LPXN: variants seen among roughly 807,000 people sequenced by gnomAD.
LPXN encodes the protein leupaxin.
In LPXN, 28 loss-of-function variants were observed where a neutral mutation model predicts 45.6. That is an observed-to-expected ratio of 0.61 (90% CI 0.45 to 0.84). The LOEUF (loss-of-function observed/expected upper bound fraction) is 0.84, where lower values mean the gene tolerates loss of function less well. Ranked by LOEUF, LPXN falls within the 40% of genes least tolerant of loss-of-function variation. LPXN has a pLI of 0.00. For synonymous variants in LPXN, 166 were observed against 169.9 expected (o/e 0.98, Z 0.18); for missense variants, 459 against 475.0 (o/e 0.97, Z 0.31).
upstream of LPXN, among the ~76,000 whole-genome samples, chr11:58,578,831 T>A (rs962439265): frequency 6.6e-6 from 1 of 151,506 alleles, no homozygotes; most frequent in East Asian, 2.0e-4. Flanking sequence ...CTAGCGCGCG[T>A]TGAAGTCTGG....
chr11:58,568,164 A>C (rs1304863122), intron 2 of LPXN, among the ~76,000 whole-genome samples: 1 of 152,204 alleles, frequency 6.6e-6, no homozygotes, highest in Non-Finnish European at 1.5e-5. Flanking sequence ...AGATCAGAAG[A>C]GGTACTTGTG....
At chr11:58,548,396 C>T (rs1853937714) in intron 7 of LPXN, among the ~76,000 whole-genome samples, 1 of 150,894 alleles carries the variant, frequency 6.6e-6, no homozygotes, top group African/African-American at 2.4e-5. Flanking sequence ...AGGAAGAAAT[C>T]ATTTCATGTT....
At chr11:58,534,102 T>C (rs1001332030) in intron 7 of LPXN, among the ~76,000 whole-genome samples, 2 of 152,140 alleles carry the variant, frequency 1.3e-5, no homozygotes, top group Non-Finnish European at 2.9e-5. Context: ...ACTGTCAATA[T>C]TAGACAGATC....
intron 1 of LPXN, among the ~76,000 whole-genome samples, chr11:58,572,686 T>C (rs1233540046): frequency 1.3e-5 from 2 of 152,166 alleles, no homozygotes; most frequent in East Asian, 1.9e-4. Context: ...ATATTAAGGC[T>C]GTTGTTATGG....
chr11:58,577,975 T>C, upstream of LPXN: 1 of 1,548,354 alleles, frequency 6.5e-7, no homozygotes, highest in Non-Finnish European at 8.7e-7. Flanking sequence ...GAACCAGATT[T>C]AGTCGCTGAC....
intron 4 of LPXN, among the ~76,000 whole-genome samples, chr11:58,551,716 T>C (rs557698399): frequency 6.6e-6 from 1 of 152,186 alleles, no homozygotes; most frequent in Non-Finnish European, 1.5e-5. Flanking sequence ...AATAAATATA[T>C]GTTGTAATGT....
At chr11:58,556,260 C>A (rs1385119480) in intron 3 of LPXN, among the ~76,000 whole-genome samples, 1 of 151,598 alleles carries the variant, frequency 6.6e-6, no homozygotes, top group African/African-American at 2.4e-5. Context: ...TAATATAATT[C>A]ATTAACAAAT....
intron 1 of LPXN, 31 bp downstream of exon 1, chr11:58,575,721 TTCACTCCC>T: frequency 6.2e-7 from 1 of 1,613,216 alleles, no homozygotes; most frequent in Non-Finnish European, 8.5e-7. Flanking sequence ...CAGCCAAGTC[TTCACTCCC>T]TCAGAGTTTC....
intron 2 of LPXN, among the ~76,000 whole-genome samples, chr11:58,567,711 G>A (rs1014464579): frequency 6.6e-6 from 1 of 152,202 alleles, no homozygotes; most frequent in African/African-American, 2.4e-5. Context: ...CAAAGGGATA[G>A]TGATCTTTCT....
chr11:58,555,994 T>C (rs72919749), intron 3 of LPXN, among the ~76,000 whole-genome samples: 19,023 of 152,080 alleles, frequency 0.13, 1,279 homozygotes, highest in Middle Eastern at 0.22. Flanking sequence ...AACTGACAGT[T>C]TTTGGGGGAT....
In LPXN at chr11:58,550,034, G is replaced by C; in HGVS notation, c.599C>G (p.Pro200Arg). 1 of 1,614,228 alleles carries C rather than the reference G, an allele frequency of 6.2e-7. No homozygotes were observed. The highest frequency in any genetic ancestry group is 8.5e-7 in the Non-Finnish European group (1 of 1,180,044). Residue 200 changes from proline (P) to arginine (R), a missense_variant, in exon 6 of 9, where the codon CCC becomes CGC. Physicochemically the swap from Pro to Arg is moderately radical, Grantham distance 103. Coordinates refer to ENST00000395074, the MANE Select transcript of LPXN (RefSeq NM_004811.3). Reference sequence around the variant, plus strand: ...AGAAAAAAGTTGGTGGTAGTCGTTGGGGCAGTAGGCCAAGCCACTCCGCTC... The same window carrying C: ...AGAAAAAAGTTGGTGGTAGTCGTTGCGGCAGTAGGCCAAGCCACTCCGCTC... Reference protein sequence around the residue: ...FFERSGLAYCPNDYHQLFSPR... With the variant: ...FFERSGLAYCRNDYHQLFSPR...
intron 4 of LPXN, 42 bp downstream of exon 4, chr11:58,554,799 C>T (rs755670517): frequency 1.3e-6 from 2 of 1,498,182 alleles, no homozygotes; most frequent in Admixed American, 3.6e-5. Context: ...ATCATCTGGA[C>T]TGCACTCACC....
In LPXN at chr11:58,570,600, T is replaced by G; in HGVS notation, c.127A>C (p.Thr43Pro). 2 of 1,613,514 alleles carry G rather than the reference T, an allele frequency of 1.2e-6. No homozygotes were observed. Among genetic ancestry groups the G allele is most frequent in the Non-Finnish European group, 1.7e-6 (2 of 1,179,828 alleles). The change falls in exon 2 of 9, where the codon ACT becomes CCT. Residue 43 changes from threonine (T) to proline (P), a missense_variant. Transcript: ENST00000395074. Reference sequence around the variant, plus strand: ...TCCTGAATAGAAAGGATCTCCGAAGTCTCATCAAGGTTAGTCTCCTTTCTG... The same window carrying G: ...TCCTGAATAGAAAGGATCTCCGAAGGCTCATCAAGGTTAGTCTCCTTTCTG... ...HSRKETNLDE[T>P]SEILSIQDNT...
At position 58,549,691 on chromosome 11, in the gene LPXN, A is replaced by G. The variant is rs796414578; in HGVS notation, c.742+95T>C. On this transcript the variant is annotated intron_variant, in intron 7 of 8. Coordinates refer to ENST00000395074, the MANE Select transcript of LPXN (RefSeq NM_004811.3). ...AAATGGGCACTTTGATAGTACTGAT[A>G]GGAACCAGGACTCCCGTGACTACCA... 3.0e-5 allele frequency: 29 copies of G among 968,886 alleles called. 1 individual carries two copies. In the African/African-American group the frequency reaches 4.3e-4, roughly 15 times the overall value. 60.0% of individuals were successfully genotyped at this position (968,886 alleles called of 1,614,324 possible).
At chr11:58,561,238 A>T (rs1441362643) in intron 3 of LPXN, among the ~76,000 whole-genome samples, 1 of 152,176 alleles carries the variant, frequency 6.6e-6, no homozygotes, top group African/African-American at 2.4e-5. Context: ...TTTACTACTT[A>T]TCTTTATGTA....
chr11:58,558,905 T>C (rs910370708), intron 3 of LPXN, among the ~76,000 whole-genome samples: 3 of 151,734 alleles, frequency 2.0e-5, no homozygotes, highest in African/African-American at 4.8e-5. Context: ...TGAAGTGATT[T>C]CAAAAATGAA....
rs113440107 is a variant in LPXN at position 58,548,214 on chromosome 11, A to C, written c.742+1572T>G. 1.9e-3 allele frequency among the ~76,000 whole-genome samples: 285 copies of C among 152,324 alleles called. 1 individual carries two copies. The highest frequency in any genetic ancestry group is 2.6e-3 in the Non-Finnish European group (179 of 68,024). On this transcript the variant is annotated intron_variant, in intron 7 of 8. Transcript: ENST00000395074. Reference sequence around the variant, plus strand: ...TTCAAGTTCTCAAAAATTCTTTCTCAGAAAGCTACTAGGGGATGTTCCCCA... The same window carrying C: ...TTCAAGTTCTCAAAAATTCTTTCTCCGAAAGCTACTAGGGGATGTTCCCCA...
intron 2 of LPXN, among the ~76,000 whole-genome samples, chr11:58,566,357 T>A (rs1292976472): frequency 6.6e-6 from 1 of 152,200 alleles, no homozygotes; most frequent in East Asian, 1.9e-4. Context: ...AATATGTAAA[T>A]ATTTCAGGCC....
At chr11:58,530,388 C>T (rs1481318331) in intron 7 of LPXN, among the ~76,000 whole-genome samples, 1 of 152,190 alleles carries the variant, frequency 6.6e-6, no homozygotes, top group Non-Finnish European at 1.5e-5. Context: ...ATTGCTGAGG[C>T]TTGAGCAGGT....
Sources: allele counts gnomAD v4.1 joint callset (sites outside exome capture counted in the v4.1 genomes callset), GRCh38; gene constraint gnomAD v4.1.1; transcripts MANE v1.5; gene names NCBI Gene and HGNC (gene_info 2026-07-23, HGNC 2026-07-21).